The following MYO18A variants were observed in gnomAD, a reference collection of about 807,000 sequenced individuals.
The protein encoded by MYO18A is myosin XVIIIA, also known as unconventional myosin-XVIIIa.
MYO18A carries 78 observed loss-of-function variants against 235.8 expected under a neutral mutation model. That is an observed-to-expected ratio of 0.33 (90% confidence interval 0.28 to 0.40). MYO18A has a LOEUF of 0.40. Among genes scored for constraint, MYO18A ranks in the 10% least tolerant of loss-of-function variants. The pLI is 1.00. For missense variants in MYO18A, 2,215 were observed against 2,699.3 expected (o/e 0.82, Z 3.98); for synonymous variants, 977 against 1,077.8 (o/e 0.91, Z 1.83).
Position 29,094,928 on chromosome 17 carries a change from C to T in MYO18A, c.4509+8G>A. 1 of 1,610,480 alleles carries T rather than the reference C, an allele frequency of 6.2e-7. No individual in the cohort carries two copies. Among genetic ancestry groups the T allele is most frequent in the Non-Finnish European group, 8.5e-7 (1 of 1,177,216 alleles). ...GACAGGGCACAGATGGTGGGTGGCCCTACCCACCTCTAGTTGCTGCTTCAG... is the reference window on the plus strand; with the variant it reads ...GACAGGGCACAGATGGTGGGTGGCCTTACCCACCTCTAGTTGCTGCTTCAG... On this transcript the variant is annotated splice_region_variant and intron_variant, in intron 29 of 41. Transcript: ENST00000527372.
At chr17:29,113,112 A>G (rs937239372) in intron 15 of MYO18A, among the ~76,000 whole-genome samples, 2 of 152,164 alleles carry the variant, frequency 1.3e-5, no homozygotes, top group African/African-American at 4.8e-5. Context: ...GAGTGAGGCC[A>G]CCATAGGAGC....
chr17:29,141,241 G>A (rs757501948), intron 2 of MYO18A, among the ~76,000 whole-genome samples: 2 of 152,178 alleles, frequency 1.3e-5, no homozygotes, highest in African/African-American at 4.8e-5. Flanking sequence ...AGTGTTTCTT[G>A]TGAAGAGAAA....
At chr17:29,174,350 T>A (rs914671865) in intron 1 of MYO18A, among the ~76,000 whole-genome samples, 1 of 151,866 alleles carries the variant, frequency 6.6e-6, no homozygotes, top group African/African-American at 2.4e-5. Flanking sequence ...TACAAAAAAA[T>A]TTTTTAAAAG....
At position 29,118,345 on chromosome 17, in the gene MYO18A, G is replaced by A; in HGVS notation, c.1893+32C>T. Reference sequence around the variant, plus strand: ...GGCTTCTCCTACCCCCAAGGCCCAGGGCTGGCAACCCAGACCCCACAGACC... The same window carrying A: ...GGCTTCTCCTACCCCCAAGGCCCAGAGCTGGCAACCCAGACCCCACAGACC... On this transcript the variant is annotated intron_variant, in intron 9 of 41. Coordinates refer to ENST00000527372, the MANE Select transcript of MYO18A (RefSeq NM_078471.4). The surrounding 1 kb of genome is among the most constrained non-coding windows in gnomAD (Gnocchi z 4.2). 1 of 1,590,662 alleles carries A rather than the reference G, an allele frequency of 6.3e-7. No individual in the cohort carries two copies. The highest frequency in any genetic ancestry group is 8.6e-7 in the Non-Finnish European group (1 of 1,162,404).
At chr17:29,173,527 A>G (rs903757879) in intron 1 of MYO18A, among the ~76,000 whole-genome samples, 1 of 150,710 alleles carries the variant, frequency 6.6e-6, no homozygotes, top group African/African-American at 2.5e-5. Flanking sequence ...AGCTGGTACT[A>G]CAGGCGCCCG....
intron 12 of MYO18A, 76 bp from the exon 13 acceptor site, chr17:29,115,517 G>A (rs1291825503): frequency 1.3e-6 from 2 of 1,535,638 alleles, no homozygotes; most frequent in African/African-American, 1.4e-5. Context: ...ACCTGCCCAG[G>A]GCCCAGTCAG....
At chr17:29,145,889 GAAAGAGAGAAATGTTA>G (rs2067837492) in intron 2 of MYO18A, among the ~76,000 whole-genome samples, 1 of 152,230 alleles carries the variant, frequency 6.6e-6, no homozygotes, top group Admixed American at 6.5e-5. Flanking sequence ...CTAGGCCAAT[GAAAGAGAGAAATGTTA>G]TAATGTGGCA....
rs1336477345 is a variant in MYO18A, at chr17:29,074,717, G to A, written c.*53C>T. On this transcript the variant is annotated 3_prime_UTR_variant, in exon 42 of 42. Coordinates refer to ENST00000527372, the MANE Select transcript of MYO18A (RefSeq NM_078471.4). The surrounding 1 kb of genome is among the most constrained non-coding windows in gnomAD (Gnocchi z 4.4). ...TGCCCCACCACTTCCTGGGAGAGGTGCCCAGGCAGCCACAGGCCCTGGGGT... is the reference window on the plus strand; with the variant it reads ...TGCCCCACCACTTCCTGGGAGAGGTACCCAGGCAGCCACAGGCCCTGGGGT... The A allele has an allele frequency of 1.3e-6, 2 of 1,587,082 alleles. No individual in the cohort carries two copies. Among genetic ancestry groups the A allele is most frequent in the Admixed American group, 3.3e-5 (2 of 59,748 alleles).
chr17:29,143,806 C>G (rs1261453077), intron 2 of MYO18A, among the ~76,000 whole-genome samples: 1 of 152,220 alleles, frequency 6.6e-6, no homozygotes, highest in East Asian at 1.9e-4. Flanking sequence ...TCTGCTCCAT[C>G]CTGTACTGAA....
chr17:29,179,941 C>A (rs1284298395), intron 1 of MYO18A, among the ~76,000 whole-genome samples: 1 of 151,912 alleles, frequency 6.6e-6, no homozygotes, highest in Non-Finnish European at 1.5e-5. Flanking sequence ...CAGGAGAAGT[C>A]CCCCCACCCT....
At chr17:29,131,377 A>C in intron 2 of MYO18A, 1 of 985,562 alleles carries the variant, frequency 1.0e-6, no homozygotes, top group East Asian at 1.1e-4. Flanking sequence ...TCAAGGATGC[A>C]CTTACAGCCC....
intron 40 of MYO18A, among the ~76,000 whole-genome samples, chr17:29,084,000 TAACA>T (rs889970955): frequency 6.6e-6 from 1 of 152,250 alleles, no homozygotes; most frequent in African/African-American, 2.4e-5. Flanking sequence ...GTTATGGCAA[TAACA>T]ACTGTATCTC....
intron 39 of MYO18A, 128 bp downstream of exon 39, chr17:29,086,310 G>A (rs1598275396): frequency 2.8e-6 from 3 of 1,057,992 alleles, no homozygotes; most frequent in Non-Finnish European, 2.8e-6. Flanking sequence ...GGCAGTAAAG[G>A]GAGGGTGGGT....
Position 29,073,095 on chromosome 17 carries a change from A to AAGAG in MYO18A, c.*1671_*1674dup, listed in dbSNP as rs10643227. 0.41 allele frequency: 61,424 copies of AAGAG among 150,546 alleles called. 13,859 individuals carry two copies. Among genetic ancestry groups the AAGAG allele is most frequent in the East Asian group, 0.83 (4,246 of 5,100 alleles). 9.3% of individuals were successfully genotyped at this position (150,546 alleles called of 1,614,324 possible). Reference sequence around the variant, plus strand: ...AAAAAGAAAGAGAATGAAAGAAAGAAAGAGAGAGAGAGAGGGAGAGAGGGA... The same window carrying AAGAG: ...AAAAAGAAAGAGAATGAAAGAAAGAAAGAGAGAGAGAGAGAGAGGGAGAGAGGGA... On this transcript the variant is annotated 3_prime_UTR_variant, in exon 42 of 42. Coordinates refer to ENST00000527372, the MANE Select transcript of MYO18A (RefSeq NM_078471.4).
rs962822335 is a variant in MYO18A at position 29,121,241 on chromosome 17, G to A, written c.1372-30C>T. 1.3e-6 allele frequency: 2 copies of A among 1,574,570 alleles called. No individual in the cohort carries two copies. The highest frequency in any genetic ancestry group is 1.4e-5 in the African/African-American group (1 of 73,990). On this transcript the variant is annotated intron_variant, in intron 5 of 41. Transcript: ENST00000527372. This position sits in a 1 kb window ranked among gnomAD's most constrained non-coding sequence, Gnocchi z 4.2. ...GGCAGGAGAGCAAGGGAGAGAAGGGGTTGGCTCTTAGCTGATCCCATTAAG... is the reference window on the plus strand; with the variant it reads ...GGCAGGAGAGCAAGGGAGAGAAGGGATTGGCTCTTAGCTGATCCCATTAAG...
chr17:29,099,831 G>A (rs1244373375), intron 21 of MYO18A, 69 bp from the exon 22 acceptor site: 1 of 1,562,650 alleles, frequency 6.4e-7, no homozygotes, highest in African/African-American at 1.4e-5. Flanking sequence ...CAGAGAAGGT[G>A]AGGAACTGGA....
In MYO18A at chr17:29,107,205, C is replaced by T; in HGVS notation, c.3332-16G>A. 1 of 1,613,316 alleles carries T rather than the reference C, an allele frequency of 6.2e-7. No homozygotes were observed. The highest frequency in any genetic ancestry group is 8.5e-7 in the Non-Finnish European group (1 of 1,179,318). ...TCAGGGTAACCTAGAGAGAGCAGCC[C>T]AGAGCCAGGCCTGTCAACGCCACCT... is the stretch of plus-strand genomic sequence containing the variant. On this transcript the variant is annotated splice_polypyrimidine_tract_variant and intron_variant, in intron 19 of 41. Transcript: ENST00000527372.
chr17:29,128,313 C>A, intron 2 of MYO18A: 1 of 1,227,708 alleles, frequency 8.1e-7, no homozygotes, highest in Admixed American at 2.8e-5. Flanking sequence ...TTCCCAAGCT[C>A]CTCGCTGGGC....
intron 15 of MYO18A, 128 bp downstream of exon 15, chr17:29,113,883 G>A (rs1169911732): frequency 2.8e-6 from 2 of 703,612 alleles, no homozygotes; most frequent in Admixed American, 2.4e-5. Flanking sequence ...TCTGGGCATA[G>A]CTGCTGGACC....
Sources: allele counts gnomAD v4.1 joint callset (sites outside exome capture counted in the v4.1 genomes callset), GRCh38; gene constraint gnomAD v4.1.1; non-coding constraint Gnocchi (gnomAD v3.1); transcripts MANE v1.5; gene names NCBI Gene and HGNC (gene_info 2026-07-23, HGNC 2026-07-21).